The following PGM3 variants were observed in gnomAD, a reference collection of about 807,000 sequenced individuals.
PGM3 encodes the protein phosphoacetylglucosamine mutase.
In PGM3, 40 loss-of-function variants were observed where a neutral mutation model predicts 66.2. The ratio of observed to expected loss-of-function variants is 0.60; its 90% CI spans 0.47 to 0.79. The LOEUF (loss-of-function observed/expected upper bound fraction) is 0.79, where lower values mean the gene tolerates loss of function less well. PGM3 is among the 30% of genes least tolerant of loss of function. The probability of loss-of-function intolerance (pLI) is 0.00; values close to 1 mark genes in which losing one functional copy is unlikely to be tolerated. For missense variants in PGM3, 537 were observed against 643.4 expected (o/e 0.83, Z 1.79); for synonymous variants, 191 against 224.2 (o/e 0.85, Z 1.32).
the PGM3 span, chr6:83,153,772 A>C: frequency 4.5e-5 from 55 of 1,214,388 alleles, no homozygotes; most frequent in Non-Finnish European, 5.7e-5. Flanking sequence ...TATTTTTCTT[A>C]TGGTGCTTTC....
rs35905342 is a variant in PGM3, at chr6:83,188,581, GT to G, written c.389+32del. On this transcript the variant is annotated intron_variant, in intron 3 of 12. Coordinates refer to ENST00000513973, the MANE Select transcript of PGM3 (RefSeq NM_015599.3). Reference sequence around the variant, plus strand: ...AATCGTTTATATCACGTTCCCAAAGGTTTTTTTTTTTACCAGTAACTCTTAT... The same window carrying G: ...AATCGTTTATATCACGTTCCCAAAGGTTTTTTTTTTACCAGTAACTCTTAT... 0.31 allele frequency: 389,271 copies of G among 1,246,168 alleles called. 42,478 individuals are homozygous for G. The highest frequency in any genetic ancestry group is 0.56 in the African/African-American group (37,460 of 66,826). 77.2% of individuals were successfully genotyped at this position (1,246,168 alleles called of 1,614,324 possible).
At position 83,190,852 on chromosome 6, in the gene PGM3, T is replaced by A; in HGVS notation, c.161A>T (p.Lys54Ile). Residue 54 changes from lysine (K) to isoleucine (I), a missense_variant, in exon 2 of 13, where the codon AAA (lysine) becomes ATA (isoleucine). Physicochemically the swap from Lys to Ile is moderately radical, Grantham distance 102. Coordinates refer to ENST00000513973, the MANE Select transcript of PGM3 (RefSeq NM_015599.3). ...LLAVLRSKQTKSTIGVMVTAS... is the reference protein window; with the variant it reads ...LLAVLRSKQTISTIGVMVTAS... ...TGTTACCATGACTCCTATAGTGGAT[T>A]TTGTCTGTTTTGACCTCAGGACAGC... 6.2e-7 allele frequency: 1 copy of A among 1,614,092 alleles called. No individual in the cohort carries two copies. The highest frequency in any genetic ancestry group is 8.5e-7 in the Non-Finnish European group (1 of 1,179,998).
Position 83,168,240 on chromosome 6 carries a change from ATAGTTTTTCCTT to A in PGM3, c.*982_*993del. ...AAACACACACACTGCTCTGCGTTGT[ATAGTTTTTCCTT>A]TTTTGTATGTAACAGAACACATTTC... On this transcript the variant is annotated 3_prime_UTR_variant, in exon 13 of 13. Coordinates refer to ENST00000513973, the MANE Select transcript of PGM3 (RefSeq NM_015599.3). The A allele has an allele frequency of 6.7e-7, 1 of 1,493,572 alleles. No homozygotes were observed. Among genetic ancestry groups the A allele is most frequent in the East Asian group, 2.4e-5 (1 of 41,920 alleles). The allele number at this position is 1,493,572 out of a possible 1,614,324, so 92.5% of individuals were successfully genotyped here. A position where few individuals can be genotyped will look rare whatever the true frequency, so the allele number is the denominator to read the frequency against.
chr6:83,163,326 A>G (rs1254834071), downstream of PGM3, among the ~76,000 whole-genome samples: 2 of 152,194 alleles, frequency 1.3e-5, no homozygotes, highest in African/African-American at 4.8e-5. Flanking sequence ...GATGACAAAC[A>G]AAAGTATGAG....
chr6:83,175,700 T>TA (rs1271346100), intron 9 of PGM3, among the ~76,000 whole-genome samples: 3 of 152,146 alleles, frequency 2.0e-5, no homozygotes, highest in Non-Finnish European at 4.4e-5. Context: ...AACATACTTA[T>TA]AAAAAAATTA....
chr6:83,167,837 C>T lies in PGM3; in HGVS notation c.*1397G>A. Reference sequence around the variant, plus strand: ...TACCACATTGTCTGTTGTATTAATACCAGTTCACTTTTTGTTTTCTGCAGA... The same window carrying T: ...TACCACATTGTCTGTTGTATTAATATCAGTTCACTTTTTGTTTTCTGCAGA... On this transcript the variant is annotated 3_prime_UTR_variant, in exon 13 of 13. Transcript: ENST00000513973. The T allele has an allele frequency of 6.3e-7, 1 of 1,586,634 alleles. No homozygotes were observed. The highest frequency in any genetic ancestry group is 8.6e-7 in the Non-Finnish European group (1 of 1,166,092).
intron 8 of PGM3, among the ~76,000 whole-genome samples, chr6:83,177,592 T>A (rs1334141407): frequency 6.6e-6 from 1 of 152,188 alleles, no homozygotes; most frequent in African/African-American, 2.4e-5. Context: ...CCAATACAAT[T>A]TGCTAAGATA....
intron 4 of PGM3, among the ~76,000 whole-genome samples, chr6:83,185,176 A>T (rs1788479269): frequency 6.6e-6 from 1 of 152,200 alleles, no homozygotes; most frequent in Non-Finnish European, 1.5e-5. Context: ...CTAAGGGAAG[A>T]CACCACTCAG....
chr6:83,169,989 A>G (rs1449949720), intron 12 of PGM3: 1 of 403,514 alleles, frequency 2.5e-6, no homozygotes, highest in East Asian at 5.9e-5. Flanking sequence ...TTTTAAAAGA[A>G]GAGAAAAGGA....
At chr6:83,159,666 T>A (rs1469133581), downstream of PGM3, 1 of 995,048 alleles carries the variant, frequency 1.0e-6, no homozygotes, top group African/African-American at 1.6e-5. Flanking sequence ...ATCATGACCT[T>A]GCTTAGCAAT....
chr6:83,162,486 T>C (rs1166873372), downstream of PGM3, among the ~76,000 whole-genome samples: 5 of 151,988 alleles, frequency 3.3e-5, no homozygotes, highest in South Asian at 6.2e-4. Context: ...TGTTCGCTAA[T>C]GAGAAAAGAA....
intron 6 of PGM3, among the ~76,000 whole-genome samples, chr6:83,181,055 C>T (rs1208393708): frequency 6.6e-6 from 1 of 152,154 alleles, no homozygotes; most frequent in Admixed American, 6.5e-5. Flanking sequence ...GCCAGCCAAA[C>T]AAAACATATC....
At position 83,191,200 on chromosome 6, in the gene PGM3, T is replaced by C. The variant is rs2128509300; in HGVS notation, c.-2-186A>G. ...GGTTAGAATTACCTACAAGATGTTG[T>C]CCAACTTGGTATGTCCACTCCTGGG... On this transcript the variant is annotated intron_variant, in intron 1 of 12. Coordinates refer to ENST00000513973, the MANE Select transcript of PGM3 (RefSeq NM_015599.3). 3.9e-6 allele frequency: 6 copies of C among 1,534,340 alleles called. No homozygotes were observed. The highest frequency in any genetic ancestry group is 5.2e-6 in the Non-Finnish European group (6 of 1,145,682).
chr6:83,192,701 TA>T (rs201502320), intron 1 of PGM3, among the ~76,000 whole-genome samples: 94 of 144,542 alleles, frequency 6.5e-4, no homozygotes, highest in African/African-American at 5.5e-4. Context: ...AAAAAGCCAT[TA>T]AAAAAAAAAA....
chr6:83,163,343 G>C (rs1784683159), downstream of PGM3, among the ~76,000 whole-genome samples: 1 of 151,912 alleles, frequency 6.6e-6, no homozygotes, highest in Non-Finnish European at 1.5e-5. Context: ...TGAGTTGATT[G>C]AAAAAAATAC....
At chr6:83,155,812 C>T in the PGM3 span, 1 of 969,020 alleles carries the variant, frequency 1.0e-6, no homozygotes, top group Non-Finnish European at 1.5e-6. Flanking sequence ...GCCTGTCTGC[C>T]CCAGAGAGGG....
Position 83,165,952 on chromosome 6 carries a change from A to G in PGM3, c.*3282T>C. On this transcript the variant is annotated 3_prime_UTR_variant, in exon 13 of 13. Coordinates refer to ENST00000513973, the MANE Select transcript of PGM3 (RefSeq NM_015599.3). ...TCAGACTGGCAGCAAACCACCAAAC[A>G]ATGACCATGACCATTTTTTGGAGCA... The G allele has an allele frequency of 2.8e-6, 1 of 353,206 alleles. No homozygotes were observed. Among genetic ancestry groups the G allele is most frequent in the South Asian group, 2.5e-5 (1 of 39,390 alleles). 21.9% of individuals were successfully genotyped at this position (353,206 alleles called of 1,614,324 possible).
At chr6:83,189,456 G>A (rs1333744489) in intron 2 of PGM3, among the ~76,000 whole-genome samples, 2 of 152,214 alleles carry the variant, frequency 1.3e-5, no homozygotes, top group African/African-American at 4.8e-5. Flanking sequence ...CTTCCTAGAA[G>A]TCAATCAGTC....
At chr6:83,178,875 G>A in intron 7 of PGM3, 119 bp from the exon 8 acceptor site, 2 of 668,684 alleles carry the variant, frequency 3.0e-6, no homozygotes, top group Non-Finnish European at 5.4e-6. Flanking sequence ...CTTAGTTTAT[G>A]CCAAAAATGT....
Sources: allele counts gnomAD v4.1 joint callset (sites outside exome capture counted in the v4.1 genomes callset), GRCh38; gene constraint gnomAD v4.1.1; transcripts MANE v1.5; gene names NCBI Gene and HGNC (gene_info 2026-07-23, HGNC 2026-07-21).